The following TNRC6C variants were observed in gnomAD, a reference collection of about 807,000 sequenced individuals.
TNRC6C encodes the protein trinucleotide repeat-containing gene 6C protein.
A neutral mutation model predicts 153.7 loss-of-function variants in TNRC6C; 20 were observed. The ratio of observed to expected loss-of-function variants is 0.13; its 90% CI spans 0.09 to 0.19. The LOEUF is 0.19. Among genes scored for constraint, TNRC6C ranks in the 10% least tolerant of loss-of-function variants. The pLI, the probability that TNRC6C is intolerant of heterozygous loss-of-function variation, is 1.00. For synonymous variants in TNRC6C, 811 were observed against 841.4 expected (o/e 0.96, Z 0.63); for missense variants, 1,987 against 2,172.0 (o/e 0.91, Z 1.69).
At chr17:78,013,602 G>A (rs764506955) in intron 1 of TNRC6C, among the ~76,000 whole-genome samples, 6 of 152,150 alleles carry the variant, frequency 3.9e-5, no homozygotes, top group Non-Finnish European at 8.8e-5. Context: ...ATGAGGAATG[G>A]ACATAAATCT....
Position 78,029,547 on chromosome 17 carries a change from G to A in TNRC6C, c.-545-1969G>A, listed in dbSNP as rs150834322. Among the ~76,000 whole-genome samples the A allele has an allele frequency of 2.6e-5, 4 of 152,302 alleles. No individual in the cohort carries two copies. The East Asian group carries it at 7.7e-4, about 29-fold the overall frequency. On this transcript the variant is annotated intron_variant, in intron 1 of 19. Transcript: ENST00000301624. ...GCAGGACTGGAAGTTGCTCTGAGGA[G>A]TCAGTGAGTGGTGAGTGAATGTGAA... is the stretch of plus-strand genomic sequence containing the variant.
chr17:77,964,444 AGGT>A (rs2070882806), intron 1 of TNRC6C, among the ~76,000 whole-genome samples: 1 of 152,206 alleles, frequency 6.6e-6, no homozygotes, highest in Non-Finnish European at 1.5e-5. Flanking sequence ...GTTGGTGCCC[AGGT>A]GGTTATTGGG....
intron 1 of TNRC6C, among the ~76,000 whole-genome samples, chr17:77,985,470 C>CG: frequency 6.6e-6 from 1 of 151,594 alleles, no homozygotes; most frequent in East Asian, 1.9e-4. Flanking sequence ...GGTGTGGTGG[C>CG]GGGCGCCTGT....
At chr17:78,060,648 C>T (rs539227897) in intron 3 of TNRC6C, among the ~76,000 whole-genome samples, 1 of 151,932 alleles carries the variant, frequency 6.6e-6, no homozygotes, top group African/African-American at 2.4e-5. Flanking sequence ...CTAGGCTGGT[C>T]TCAAACTCCT....
intron 1 of TNRC6C, among the ~76,000 whole-genome samples, chr17:77,966,219 T>C (rs1315080651): frequency 1.3e-5 from 2 of 152,170 alleles, no homozygotes; most frequent in Non-Finnish European, 2.9e-5. Flanking sequence ...AGGTTCTGTG[T>C]TGGCAATAAG....
At chr17:78,091,472 A>G in exon 14 of TNRC6C, 1 of 1,605,372 alleles carries the variant, frequency 6.2e-7, no homozygotes, top group Non-Finnish European at 8.5e-7. Flanking sequence ...TGTCAACAGC[A>G]TGGACATGAC....
chr17:78,039,501 G>C (rs1311997491), intron 2 of TNRC6C, among the ~76,000 whole-genome samples: 1 of 152,174 alleles, frequency 6.6e-6, no homozygotes, highest in Non-Finnish European at 1.5e-5. Flanking sequence ...GCAAAAATAA[G>C]TCCTAGATGC....
chr17:78,098,434 A>C, exon 17 of TNRC6C: 1 of 1,613,980 alleles, frequency 6.2e-7, no homozygotes, highest in South Asian at 1.1e-5. Context: ...AGGTGCCCAG[A>C]AACAGTACTG....
intron 1 of TNRC6C, among the ~76,000 whole-genome samples, chr17:78,021,631 G>A (rs1475070872): frequency 1.3e-5 from 2 of 152,120 alleles, no homozygotes; most frequent in Non-Finnish European, 2.9e-5. Flanking sequence ...GTGCGATGGC[G>A]CAGTCTCGGC....
intron 3 of TNRC6C, among the ~76,000 whole-genome samples, chr17:78,059,265 G>A (rs1282090862): frequency 6.6e-6 from 1 of 152,234 alleles, no homozygotes; most frequent in Non-Finnish European, 1.5e-5. Flanking sequence ...TAAGCACTAT[G>A]CAGTAGTTAC....
chr17:77,974,280 A>C (rs983457338), intron 1 of TNRC6C, among the ~76,000 whole-genome samples: 2 of 152,176 alleles, frequency 1.3e-5, no homozygotes, highest in Non-Finnish European at 2.9e-5. Flanking sequence ...AAGATATACA[A>C]ATAGCTGATA....
At chr17:78,087,039 C>A (rs1324801036) in exon 13 of TNRC6C, 2 of 1,613,900 alleles carry the variant, frequency 1.2e-6, no homozygotes, top group Admixed American at 1.7e-5. Context: ...CCTACCTGAC[C>A]TGCAGACCAA....
intron 15 of TNRC6C, 23 bp downstream of exon 17, chr17:78,093,147 T>C (rs1288853867): frequency 6.2e-7 from 1 of 1,608,928 alleles, no homozygotes; most frequent in Non-Finnish European, 8.5e-7. Flanking sequence ...AACACTTCTG[T>C]GCAACAGCAG....
At chr17:78,076,387 G>GA (rs1327467712) in intron 8 of TNRC6C, among the ~76,000 whole-genome samples, 1 of 152,172 alleles carries the variant, frequency 6.6e-6, no homozygotes, top group East Asian at 1.9e-4. Flanking sequence ...CGCCAGTGGG[G>GA]ACTGAGTTCA....
rs145561278 is a variant in TNRC6C, at chr17:77,994,748, A to C, written c.-37-9422A>C. Among the ~76,000 whole-genome samples, 15 of 152,352 alleles carry C rather than the reference A, an allele frequency of 9.8e-5. No homozygotes were observed. The East Asian group carries it at 2.1e-3, about 22-fold the overall frequency. On this transcript the variant is annotated intron_variant, in intron 1 of 22. Coordinates refer to the TNRC6C transcript ENST00000636222. ...CACAGAAATACCATGAAGTTTAAAA[A>C]AAAAACAAAAACAAAACAACAGGCA...
In TNRC6C at chr17:78,093,182, G is replaced by T. The variant is rs916984570; in HGVS notation, c.4162+58G>T. The T allele has an allele frequency of 2.6e-6, 4 of 1,554,014 alleles. No individual in the cohort carries two copies. The Admixed American group carries it at 7.0e-5, about 27-fold the overall frequency. Reference sequence around the variant, plus strand: ...GCAGGTCAGAATGTGCTCCAAGCCTGCAGAGAGTGATTAGGCTGAGAGGAC... The same window carrying T: ...GCAGGTCAGAATGTGCTCCAAGCCTTCAGAGAGTGATTAGGCTGAGAGGAC... On this transcript the variant is annotated intron_variant, in intron 15 of 19. Transcript: ENST00000301624.
chr17:77,967,550 A>G (rs1014803615), intron 1 of TNRC6C, among the ~76,000 whole-genome samples: 2 of 152,168 alleles, frequency 1.3e-5, no homozygotes, highest in African/African-American at 4.8e-5. Context: ...CAGGTGAGGA[A>G]CAGTCATCAT....
At chr17:78,095,609 C>G (rs901908040) in intron 16 of TNRC6C, among the ~76,000 whole-genome samples, 3 of 152,238 alleles carry the variant, frequency 2.0e-5, no homozygotes, top group African/African-American at 7.2e-5. Context: ...CAGGCCTCCC[C>G]TTCAGCTCGT....
intron 1 of TNRC6C, among the ~76,000 whole-genome samples, chr17:78,009,428 T>TA (rs2071583181): frequency 6.6e-6 from 1 of 152,220 alleles, no homozygotes; most frequent in Non-Finnish European, 1.5e-5. Flanking sequence ...TCAGTGCTTT[T>TA]AGCCAGATTT....
Sources: gnomAD v4.1 joint callset for allele counts (sites outside exome capture counted in the v4.1 genomes callset) on GRCh38, gnomAD v4.1.1 for gene constraint, MANE v1.5 for transcripts, NCBI Gene and HGNC (gene_info 2026-07-23, HGNC 2026-07-21) for gene names.